The following SPON1 variants were observed in gnomAD, a reference collection of about 807,000 sequenced individuals.
The protein encoded by SPON1 is spondin-1.
SPON1 carries 52 observed loss-of-function variants against 111.7 expected under a neutral mutation model. The ratio of observed to expected loss-of-function variants is 0.47; its 90% CI spans 0.37 to 0.59. The LOEUF is 0.59. SPON1 is among the 20% of genes least tolerant of loss of function. The pLI is 0.00. For missense variants in SPON1, 957 were observed against 1,068.5 expected (o/e 0.90, Z 1.46); for synonymous variants, 410 against 395.8 (o/e 1.04, Z -0.43).
At chr11:13,979,130 C>T (rs1174240781) in intron 1 of SPON1, among the ~76,000 whole-genome samples, 1 of 152,216 alleles carries the variant, frequency 6.6e-6, no homozygotes, top group Non-Finnish European at 1.5e-5. Context: ...GTGTTTTCTT[C>T]TGGAGGGCTC....
chr11:14,247,220 C>A (rs986746324), intron 7 of SPON1, among the ~76,000 whole-genome samples: 15 of 152,128 alleles, frequency 9.9e-5, no homozygotes, highest in Admixed American at 2.0e-4. Flanking sequence ...ACAGCCTGGG[C>A]AACAAAGCAA....
At chr11:14,091,055 C>T (rs1849051136) in intron 5 of SPON1, among the ~76,000 whole-genome samples, 1 of 152,028 alleles carries the variant, frequency 6.6e-6, no homozygotes, top group Non-Finnish European at 1.5e-5. Context: ...TTGAGCTAAA[C>T]ACAGGGTGCT....
intron 6 of SPON1, among the ~76,000 whole-genome samples, chr11:14,161,039 C>G (rs868994738): frequency 1.9e-5 from 1 of 51,284 alleles, no homozygotes; most frequent in African/African-American, 8.5e-5. Flanking sequence ...TTATATATAT[C>G]TATATATTTA....
At chr11:14,016,059 T>C (rs1347326910) in intron 2 of SPON1, among the ~76,000 whole-genome samples, 4 of 152,244 alleles carry the variant, frequency 2.6e-5, no homozygotes, top group African/African-American at 9.6e-5. Context: ...TTAATTCTTT[T>C]ATATTCATTT....
chr11:14,090,822 TGG>T (rs1849045824), intron 5 of SPON1, among the ~76,000 whole-genome samples: 4 of 69,026 alleles, frequency 5.8e-5, no homozygotes, highest in African/African-American at 1.4e-4. Flanking sequence ...TTCTCTTATC[TGG>T]CCCCCCCCCC....
intron 2 of SPON1, among the ~76,000 whole-genome samples, chr11:14,018,850 T>G (rs1245760356): frequency 6.6e-6 from 1 of 152,248 alleles, no homozygotes; most frequent in East Asian, 1.9e-4. Context: ...TTAGGATGGT[T>G]GAAAGATTTG....
At chr11:13,985,873 C>G (rs1848178634) in intron 2 of SPON1, among the ~76,000 whole-genome samples, 2 of 152,176 alleles carry the variant, frequency 1.3e-5, no homozygotes. Context: ...CATCAAAATG[C>G]ACACTCCGCT....
intron 3 of SPON1, among the ~76,000 whole-genome samples, chr11:14,066,157 A>C (rs956338749): frequency 2.0e-5 from 3 of 152,254 alleles, no homozygotes; most frequent in African/African-American, 7.2e-5. Flanking sequence ...TGATTGAAAA[A>C]TAAAAGTAAT....
chr11:14,016,131 T>A (rs1373201596), intron 2 of SPON1, among the ~76,000 whole-genome samples: 1 of 152,262 alleles, frequency 6.6e-6, no homozygotes, highest in Non-Finnish European at 1.5e-5. Context: ...CTTCCTAGAT[T>A]CCCTGCTGGT....
rs782780924 is a variant in SPON1 at position 14,113,568 on chromosome 11, A to ATTTTT, written c.677-21804_677-21800dup. Among the ~76,000 whole-genome samples, 29 of 74,732 alleles carry ATTTTT rather than the reference A, an allele frequency of 3.9e-4. 2 individuals are homozygous for ATTTTT. The highest frequency in any genetic ancestry group is 5.3e-4 in the Non-Finnish European group (20 of 37,756). 49.0% of individuals were successfully genotyped at this position (74,732 alleles called of 152,430 possible). A position where few individuals can be genotyped will look rare whatever the true frequency, so the allele number is the denominator to read the frequency against. ...AAGTCACCTCCTATGTACTTTTTAA[A>ATTTTT]TTTTTTTTTTTTTTTTTTTTTTTTT... On this transcript the variant is annotated intron_variant, in intron 5 of 15. Transcript: ENST00000576479.
At position 14,255,759 on chromosome 11, in the gene SPON1, G is replaced by A. The variant is rs1435765588; in HGVS notation, c.1205G>A (p.Arg402Lys). 5.6e-6 allele frequency: 9 copies of A among 1,613,820 alleles called. No individual in the cohort carries two copies. The highest frequency in any genetic ancestry group is 7.6e-6 in the Non-Finnish European group (9 of 1,179,902). ...GGTGGGTCCATCACTCAAGTAGCCA[G>A]AGTTGTCATCGAGAGAATCGCACGG... Reference protein sequence around the residue: ...PEGGSITQVARVVIERIARKG... With the variant: ...PEGGSITQVAKVVIERIARKG... Residue 402 changes from arginine to lysine, a missense_variant, in exon 9 of 16, where the codon AGA (arginine) becomes AAA (lysine). By Grantham distance (26) the Arg-to-Lys change is conservative. Transcript: ENST00000576479.
chr11:14,185,908 C>T (rs935504564), intron 6 of SPON1, among the ~76,000 whole-genome samples: 2 of 152,190 alleles, frequency 1.3e-5, no homozygotes, highest in African/African-American at 4.8e-5. Context: ...GACTGGGCAA[C>T]CTTTCAATGC....
At chr11:14,073,125 T>C (rs963186714) in intron 3 of SPON1, among the ~76,000 whole-genome samples, 1 of 152,134 alleles carries the variant, frequency 6.6e-6, no homozygotes, top group Non-Finnish European at 1.5e-5. Flanking sequence ...TAGACCCTTA[T>C]ATATATAGCC....
chr11:14,061,403 G>T (rs1848790140), intron 3 of SPON1, among the ~76,000 whole-genome samples: 1 of 152,096 alleles, frequency 6.6e-6, no homozygotes, highest in Non-Finnish European at 1.5e-5. Flanking sequence ...CACCTATCCA[G>T]TCATCTAATT....
chr11:14,172,716 T>C (rs1305191635), intron 6 of SPON1, among the ~76,000 whole-genome samples: 1 of 151,822 alleles, frequency 6.6e-6, no homozygotes, highest in East Asian at 1.9e-4. Context: ...AGCATTTGCT[T>C]GTCTGTAAAG....
chr11:14,128,980 A>C (rs1330983192), intron 5 of SPON1, among the ~76,000 whole-genome samples: 1 of 152,252 alleles, frequency 6.6e-6, no homozygotes, highest in Non-Finnish European at 1.5e-5. Context: ...CCATGTCCCA[A>C]GGCTGCACAG....
At chr11:14,137,665 T>C (rs1157899358) in intron 6 of SPON1, among the ~76,000 whole-genome samples, 2 of 152,214 alleles carry the variant, frequency 1.3e-5, no homozygotes, top group Admixed American at 1.3e-4. Context: ...CGTGTAAACC[T>C]GAGGCCACTT....
At chr11:13,988,562 T>C (rs1848203264) in intron 2 of SPON1, among the ~76,000 whole-genome samples, 1 of 152,222 alleles carries the variant, frequency 6.6e-6, no homozygotes, top group Non-Finnish European at 1.5e-5. Context: ...CTGATTGCCC[T>C]GGCTAGAACT....
At chr11:14,236,926 G>A (rs527875224) in intron 6 of SPON1, among the ~76,000 whole-genome samples, 2 of 152,222 alleles carry the variant, frequency 1.3e-5, no homozygotes, top group Non-Finnish European at 2.9e-5. Context: ...GTGAGTCTCA[G>A]TTGCCTCACC....
Sources: allele counts gnomAD v4.1 joint callset (sites outside exome capture counted in the v4.1 genomes callset), GRCh38; gene constraint gnomAD v4.1.1; transcripts MANE v1.5; gene names NCBI Gene and HGNC (gene_info 2026-07-23, HGNC 2026-07-21).